The following ZFP90 variants were observed in gnomAD, a reference collection of about 807,000 sequenced individuals.
The protein encoded by ZFP90 is ZFP90 zinc finger protein.
In ZFP90, 38 loss-of-function variants were observed where a neutral mutation model predicts 60.8. The observed-to-expected ratio is 0.62, with a 90% CI of 0.48 to 0.82. The LOEUF is 0.82. ZFP90 is among the 40% of genes least tolerant of loss of function. The pLI is 0.00. For missense variants in ZFP90, 711 were observed against 759.1 expected (o/e 0.94, Z 0.74); for synonymous variants, 287 against 264.8 (o/e 1.08, Z -0.82).
rs201140287 is a variant in ZFP90, at chr16:68,563,819, G to A, written c.1032G>A (p.Gly344=). ...GEKPYRCNLC[G]RSFRHGTSLT... ...AACCCTATCGATGTAATCTATGTGGGAGGTCCTTTAGGCATGGCACATCCC... is the reference window on the plus strand; with the variant it reads ...AACCCTATCGATGTAATCTATGTGGAAGGTCCTTTAGGCATGGCACATCCC... The change falls in exon 5 of 5, where the codon GGG becomes GGA. Residue 344 remains glycine, a synonymous_variant. Transcript: ENST00000563169. 2,848 of 1,614,024 alleles carry A rather than the reference G, an allele frequency of 1.8e-3. 88 individuals carry two copies. In the South Asian group the frequency reaches 0.029, roughly 17 times the overall value.
chr16:68,558,418 G>T, intron 3 of ZFP90, 55 bp from the exon 4 acceptor site: 1 of 1,518,180 alleles, frequency 6.6e-7, no homozygotes, highest in Non-Finnish European at 9.1e-7. Context: ...TCCTTAGGAG[G>T]GTTCTTTGTC....
intron 2 of ZFP90, among the ~76,000 whole-genome samples, chr16:68,553,109 G>C (rs1470503326): frequency 6.6e-6 from 1 of 152,116 alleles, no homozygotes; most frequent in Non-Finnish European, 1.5e-5. Flanking sequence ...GTCTGTTCTA[G>C]ACAATGGAGA....
At chr16:68,556,217 C>T (rs1004056462) in intron 2 of ZFP90, among the ~76,000 whole-genome samples, 3 of 152,058 alleles carry the variant, frequency 2.0e-5, no homozygotes, top group Admixed American at 2.0e-4. Context: ...AGGCCATGGT[C>T]ACAGGTGACT....
At chr16:68,572,051 T>A (rs2091571731), downstream of ZFP90, among the ~76,000 whole-genome samples, 3 of 152,006 alleles carry the variant, frequency 2.0e-5, no homozygotes, top group South Asian at 6.2e-4. Context: ...TGAGGTGGGG[T>A]CTCTGATGCA....
chr16:68,555,475 C>G (rs1224201867), intron 2 of ZFP90, among the ~76,000 whole-genome samples: 1 of 152,138 alleles, frequency 6.6e-6, no homozygotes, highest in Non-Finnish European at 1.5e-5. Flanking sequence ...AGGGGCCACT[C>G]CTGCCTTCTT....
chr16:68,544,564 A>T (rs1327992608), intron 2 of ZFP90, among the ~76,000 whole-genome samples: 2 of 152,086 alleles, frequency 1.3e-5, no homozygotes, highest in Non-Finnish European at 2.9e-5. Flanking sequence ...GTCTCTGTTG[A>T]CTCTGGATTA....
In ZFP90 at chr16:68,565,553, C is replaced by A; in HGVS notation, c.*855C>A. 1 of 985,520 alleles carries A rather than the reference C, an allele frequency of 1.0e-6. No homozygotes were observed. Among genetic ancestry groups the A allele is most frequent in the Middle Eastern group, 5.2e-4 (1 of 1,914 alleles). 61.0% of individuals were successfully genotyped at this position (985,520 alleles called of 1,614,324 possible). ...ACTAGTGACTTTTTTCCCCTTTTCCCAGTTACAATTATACTTTCAGCTAAC... is the reference window on the plus strand; with the variant it reads ...ACTAGTGACTTTTTTCCCCTTTTCCAAGTTACAATTATACTTTCAGCTAAC... On this transcript the variant is annotated 3_prime_UTR_variant, in exon 5 of 5. Transcript: ENST00000563169.
Position 68,564,492 on chromosome 16 carries a change from A to G in ZFP90, c.1705A>G (p.Ile569Val). ...AGCCTTTAGTCAAAGTTCATCTCTCATTCAGCATGAGAGAACTCATACTGG... is the reference window on the plus strand; with the variant it reads ...AGCCTTTAGTCAAAGTTCATCTCTCGTTCAGCATGAGAGAACTCATACTGG... ...GKAFSQSSSL[I>V]QHERTHTGEK... The change falls in exon 5 of 5, where the codon ATT becomes GTT. Residue 569 changes from isoleucine (I) to valine (V), a missense_variant. Transcript: ENST00000563169. 6.2e-7 allele frequency: 1 copy of G among 1,614,052 alleles called. No individual in the cohort carries two copies. Among genetic ancestry groups the G allele is most frequent in the Non-Finnish European group, 8.5e-7 (1 of 1,179,944 alleles).
intron 2 of ZFP90, among the ~76,000 whole-genome samples, chr16:68,553,401 A>AC (rs1461347876): frequency 2.6e-5 from 4 of 151,642 alleles, no homozygotes; most frequent in African/African-American, 9.7e-5. Flanking sequence ...CCAGGGAGGA[A>AC]GTAGGTTTAG....
chr16:68,537,922 T>TG (rs1245681796), upstream of ZFP90, among the ~76,000 whole-genome samples: 1 of 8,568 alleles, frequency 1.2e-4, no homozygotes, highest in Non-Finnish European at 2.8e-4. Flanking sequence ...TTTTGTTTTG[T>TG]TTTTTTTGAG....
At chr16:68,572,531 G>C (rs1210249565) in intron 2 of ZFP90, among the ~76,000 whole-genome samples, 1 of 152,182 alleles carries the variant, frequency 6.6e-6, no homozygotes, top group Non-Finnish European at 1.5e-5. Context: ...CTAGATGTGA[G>C]AGTCACAGAG....
rs2091520600 is a variant in ZFP90, at chr16:68,566,007, AGTG to A, written c.*1312_*1314del. ...AAATTAGCTGGGCATGGTGGCATGC[AGTG>A]GTAGTCCCAGCTACTCAGGAGGCTG... is the stretch of plus-strand genomic sequence containing the variant. On this transcript the variant is annotated 3_prime_UTR_variant, in exon 5 of 5. Coordinates refer to ENST00000563169, the MANE Select transcript of ZFP90 (RefSeq NM_001305203.2). 1 of 751,954 alleles carries A rather than the reference AGTG, an allele frequency of 1.3e-6. No homozygotes were observed. Among genetic ancestry groups the A allele is most frequent in the Admixed American group, 6.3e-5 (1 of 15,942 alleles). 46.6% of individuals were successfully genotyped at this position (751,954 alleles called of 1,614,324 possible).
At chr16:68,545,781 C>T (rs1191569723) in intron 2 of ZFP90, among the ~76,000 whole-genome samples, 3 of 152,216 alleles carry the variant, frequency 2.0e-5, no homozygotes, top group South Asian at 4.1e-4. Flanking sequence ...CGCCACTGCA[C>T]TCCAACCTAG....
chr16:68,569,652 A>G (rs2091556800), downstream of ZFP90, among the ~76,000 whole-genome samples: 2 of 152,090 alleles, frequency 1.3e-5, no homozygotes, highest in African/African-American at 4.8e-5. Context: ...TTTTAATCTC[A>G]ACACTTTGGG....
chr16:68,568,586 G>C (rs936942030), downstream of ZFP90, among the ~76,000 whole-genome samples: 1 of 152,170 alleles, frequency 6.6e-6, no homozygotes, highest in Non-Finnish European at 1.5e-5. Flanking sequence ...GAGGAAAAGA[G>C]ACACACACAA....
At position 68,565,292 on chromosome 16, in the gene ZFP90, G is replaced by T; in HGVS notation, c.*594G>T. ...TAAAAATGCAGGTTTCCTGGATTTG[G>T]GGCCCCATGGCCTTGCCAGTGAAAA... On this transcript the variant is annotated 3_prime_UTR_variant, in exon 5 of 5. Transcript: ENST00000563169. The T allele has an allele frequency of 1.0e-6, 1 of 985,560 alleles. No homozygotes were observed. The highest frequency in any genetic ancestry group is 1.2e-6 in the Non-Finnish European group (1 of 829,950). The allele number at this position is 985,560 out of a possible 1,614,324, so 61.1% of individuals were successfully genotyped here.
chr16:68,571,339 A>G (rs543916439), downstream of ZFP90, among the ~76,000 whole-genome samples: 35 of 152,362 alleles, frequency 2.3e-4, no homozygotes, highest in South Asian at 6.6e-3. Flanking sequence ...ACTAGTCTTT[A>G]TTAAACTCAT....
chr16:68,551,828 G>A (rs1409918866), intron 2 of ZFP90, among the ~76,000 whole-genome samples: 4 of 151,916 alleles, frequency 2.6e-5, no homozygotes, highest in African/African-American at 7.3e-5. Flanking sequence ...GCGTGATCTC[G>A]GCTCACTGCA....
At position 68,539,821 on chromosome 16, in the gene ZFP90, C is replaced by T; in HGVS notation, c.29C>T (p.Pro10Leu). 2 of 1,606,290 alleles carry T rather than the reference C, an allele frequency of 1.2e-6. No homozygotes were observed. The highest frequency in any genetic ancestry group is 1.3e-5 in the African/African-American group (1 of 74,980). Reference sequence around the variant, plus strand: ...GCCCCGAGGCCTCCGACCGCCGCGCCCCAGGTGAGCAACGCGTTCCTAACC... The same window carrying T: ...GCCCCGAGGCCTCCGACCGCCGCGCTCCAGGTGAGCAACGCGTTCCTAACC... Reference protein sequence around the residue: MAPRPPTAAPQESVTFKDVS... With the variant: MAPRPPTAALQESVTFKDVS... Residue 10 changes from proline to leucine, a missense_variant, in exon 2 of 5, where the codon CCC becomes CTC. Coordinates refer to ENST00000563169, the MANE Select transcript of ZFP90 (RefSeq NM_001305203.2).
Sources: gnomAD v4.1 joint callset for allele counts (sites outside exome capture counted in the v4.1 genomes callset) on GRCh38, gnomAD v4.1.1 for gene constraint, MANE v1.5 for transcripts, NCBI Gene and HGNC (gene_info 2026-07-23, HGNC 2026-07-21) for gene names.